The following PRKN variants were observed in gnomAD, a reference collection of about 807,000 sequenced individuals.
The protein encoded by PRKN is parkin RBR E3 ubiquitin protein ligase.
In PRKN, 56 loss-of-function variants were observed where a neutral mutation model predicts 59.5. That is an observed-to-expected ratio of 0.94 (90% CI 0.76 to 1.18). PRKN has a LOEUF of 1.18. PRKN is among the 50% of genes most tolerant of loss of function. The pLI is 0.00. For missense variants in PRKN, 657 were observed against 596.4 expected, an observed-to-expected ratio of 1.10 and a Z score of -1.06; for synonymous variants, 250 against 222.1, an observed-to-expected ratio of 1.13 and a Z score of -1.12.
Position 162,235,962 on chromosome 6 carries a change from A to G in PRKN, c.412+26563T>C, listed in dbSNP as rs75879440. Reference sequence around the variant, plus strand: ...GGAAGGAAGGAAGGAAGAAAGGAAGAAAGAAAGAAAGAAAGAAAGAAAGAA... The same window carrying G: ...GGAAGGAAGGAAGGAAGAAAGGAAGGAAGAAAGAAAGAAAGAAAGAAAGAA... On this transcript the variant is annotated intron_variant, in intron 3 of 11. Coordinates refer to ENST00000366898, the MANE Select transcript of PRKN (RefSeq NM_004562.3). 6.1e-3 allele frequency among the ~76,000 whole-genome samples: 358 copies of G among 58,798 alleles called. 2 individuals are homozygous for G. The highest frequency in any genetic ancestry group is 0.017 in the Middle Eastern group (2 of 118). 38.6% of individuals were successfully genotyped at this position (58,798 alleles called of 152,430 possible).
chr6:161,614,883 T>A (rs1453873913), intron 7 of PRKN, among the ~76,000 whole-genome samples: 1 of 152,168 alleles, frequency 6.6e-6, no homozygotes, highest in Non-Finnish European at 1.5e-5. Context: ...ATACTGAAGC[T>A]GACCTCCCAG....
intron 2 of PRKN, among the ~76,000 whole-genome samples, chr6:162,353,343 A>G (rs887588579): frequency 1.4e-4 from 21 of 152,004 alleles, no homozygotes; most frequent in Non-Finnish European, 2.8e-4. Context: ...CAGCACAAAA[A>G]TTACTGGAAC....
rs950212235 is a variant in PRKN at position 161,379,650 on chromosome 6, A to G, written c.1167+7144T>C. Among the ~76,000 whole-genome samples the G allele has an allele frequency of 6.6e-6, 1 of 152,182 alleles. No individual in the cohort carries two copies. The highest frequency in any genetic ancestry group is 1.5e-5 in the Non-Finnish European group (1 of 68,024). On this transcript the variant is annotated intron_variant, in intron 10 of 11. Coordinates refer to ENST00000366898, the MANE Select transcript of PRKN (RefSeq NM_004562.3). This position sits in a 1 kb window ranked among gnomAD's most constrained non-coding sequence, Gnocchi z 4.9. Reference sequence around the variant, plus strand: ...TTTCTTCCTTCTGCGGGAAGCCCACATCGAAAACCTGGTCTATGCATAGGG... The same window carrying G: ...TTTCTTCCTTCTGCGGGAAGCCCACGTCGAAAACCTGGTCTATGCATAGGG...
chr6:162,200,091 C>T (rs192550155), intron 4 of PRKN, among the ~76,000 whole-genome samples: 36 of 152,304 alleles, frequency 2.4e-4, no homozygotes, highest in Admixed American at 3.9e-4. Context: ...AGAATAGAAT[C>T]TGAACATGCC....
intron 4 of PRKN, among the ~76,000 whole-genome samples, chr6:162,145,819 A>G (rs1270095739): frequency 6.6e-6 from 1 of 152,182 alleles, no homozygotes; most frequent in Non-Finnish European, 1.5e-5. Flanking sequence ...ACTCCTAAAC[A>G]AACATCTGAT....
chr6:161,708,461 GAAA>G (rs67537331), intron 7 of PRKN, among the ~76,000 whole-genome samples: 60,846 of 124,586 alleles, frequency 0.49, 13,003 homozygotes, highest in Admixed American at 0.64. Flanking sequence ...GTTGATTTCA[GAAA>G]AAAAAAAAAA....
rs568103673 is a variant in PRKN at position 161,573,399 on chromosome 6, G to C, written c.872-3983C>G. Among the ~76,000 whole-genome samples the C allele has an allele frequency of 9.9e-5, 15 of 152,144 alleles. No individual in the cohort carries two copies. In the East Asian group the frequency reaches 2.9e-3, roughly 29 times the overall value. Reference sequence around the variant, plus strand: ...GTATTTATAGCTCAGTTTATATCTAGACACATTGAAGACATATTGTCTTAA... The same window carrying C: ...GTATTTATAGCTCAGTTTATATCTACACACATTGAAGACATATTGTCTTAA... On this transcript the variant is annotated intron_variant, in intron 7 of 11. Transcript: ENST00000366898.
intron 10 of PRKN, among the ~76,000 whole-genome samples, chr6:161,374,083 C>T (rs1258019586): frequency 6.6e-6 from 1 of 152,156 alleles, no homozygotes; most frequent in African/African-American, 2.4e-5. Flanking sequence ...CAGCTGCTTC[C>T]CTCCTGATAC....
At chr6:161,411,962 C>A (rs1275083482) in intron 9 of PRKN, among the ~76,000 whole-genome samples, 1 of 148,682 alleles carries the variant, frequency 6.7e-6, no homozygotes, top group African/African-American at 2.5e-5. Flanking sequence ...TCATTCATTC[C>A]TTCCTCACCC....
rs71544924 is a variant in PRKN at position 162,122,716 on chromosome 6, TTCTATCTATCTATCTATCTA to T, written c.535-68562_535-68543del. Among the ~76,000 whole-genome samples the T allele has an allele frequency of 2.0e-5, 3 of 147,804 alleles. No individual in the cohort carries two copies. In the East Asian group the frequency reaches 6.1e-4, roughly 30 times the overall value. On this transcript the variant is annotated intron_variant, in intron 4 of 11. Coordinates refer to ENST00000366898, the MANE Select transcript of PRKN (RefSeq NM_004562.3). Reference sequence around the variant, plus strand: ...TTTGGATAGCCTGGGGCTCAATCTGTTCTATCTATCTATCTATCTATCTATCTATCTATCTATCTATCTCT... The same window carrying T: ...TTTGGATAGCCTGGGGCTCAATCTGTTCTATCTATCTATCTATCTATCTCT...
At chr6:161,539,385 A>G (rs1004961997) in intron 9 of PRKN, among the ~76,000 whole-genome samples, 25 of 142,918 alleles carry the variant, frequency 1.7e-4, no homozygotes, top group African/African-American at 5.5e-4. Context: ...TCCAGGTTTA[A>G]GAGTGGCCAG....
chr6:162,584,219 AAAAAACAAAAAAC>A (rs756607714), intron 1 of PRKN, among the ~76,000 whole-genome samples: 8 of 95,506 alleles, frequency 8.4e-5, no homozygotes, highest in East Asian at 1.2e-3. Context: ...TCTCAAAAAA[AAAAAACAAAAAAC>A]AAAAAACAAA....
chr6:162,504,314 G>A lies in PRKN; in HGVS notation c.8-60841C>T, dbSNP rs1158378756. On this transcript the variant is annotated intron_variant, in intron 1 of 11. Coordinates refer to ENST00000366898, the MANE Select transcript of PRKN (RefSeq NM_004562.3). ...CAGAAAGCTAGATCTGAGAATCTGT[G>A]CATAAGCCATGACCCTGGAAGACAC... Among the ~76,000 whole-genome samples the A allele has an allele frequency of 2.0e-5, 3 of 152,300 alleles. No homozygotes were observed. In the East Asian group the frequency reaches 5.8e-4, roughly 29 times the overall value.
Position 161,447,270 on chromosome 6 carries a change from A to G in PRKN, c.1084-60393T>C, listed in dbSNP as rs766628502. The stretch of plus-strand genomic sequence containing the variant: ...TCTAAATTCTTCGGTTCTCTCTGAC[A>G]TGCTCAATCTAGGGTTTCCCGCGGC... On this transcript the variant is annotated intron_variant, in intron 9 of 11. Transcript: ENST00000366898. The surrounding 1 kb of genome is among the most constrained non-coding windows in gnomAD (Gnocchi z 4.1). Among the ~76,000 whole-genome samples, 6 of 152,182 alleles carry G rather than the reference A, an allele frequency of 3.9e-5. No individual in the cohort carries two copies. Among genetic ancestry groups the G allele is most frequent in the Non-Finnish European group, 7.3e-5 (5 of 68,034 alleles).
chr6:162,410,673 T>C (rs1483483613), intron 2 of PRKN, among the ~76,000 whole-genome samples: 6 of 152,196 alleles, frequency 3.9e-5, no homozygotes, highest in Admixed American at 3.9e-4. Context: ...AGGCTGCTTC[T>C]CAAACCATGC....
chr6:162,280,079 G>T (rs944979415), intron 2 of PRKN, among the ~76,000 whole-genome samples: 1 of 151,902 alleles, frequency 6.6e-6, no homozygotes, highest in Non-Finnish European at 1.5e-5. Context: ...ACATGGGAAG[G>T]GTCTCCTGAA....
At chr6:161,537,509 T>C (rs1195683723) in intron 9 of PRKN, among the ~76,000 whole-genome samples, 1 of 151,910 alleles carries the variant, frequency 6.6e-6, no homozygotes, top group East Asian at 1.9e-4. Flanking sequence ...TGGAGTTTAG[T>C]GGCGTGATCT....
chr6:162,023,957 G>A (rs1176669241), intron 5 of PRKN, among the ~76,000 whole-genome samples: 1 of 152,044 alleles, frequency 6.6e-6, no homozygotes, highest in African/African-American at 2.4e-5. Flanking sequence ...TTTTTGCTTA[G>A]GATTTCTTTG....
chr6:161,751,101 G>C (rs956084100), intron 7 of PRKN, among the ~76,000 whole-genome samples: 1 of 152,092 alleles, frequency 6.6e-6, no homozygotes, highest in Non-Finnish European at 1.5e-5. Flanking sequence ...CTGGTAGAAT[G>C]AGTAAAAAAA....
Sources: gnomAD v4.1 joint callset for allele counts (sites outside exome capture counted in the v4.1 genomes callset) on GRCh38, gnomAD v4.1.1 for gene constraint, Gnocchi (gnomAD v3.1) non-coding constraint, MANE v1.5 for transcripts, NCBI Gene and HGNC (gene_info 2026-07-23, HGNC 2026-07-21) for gene names.